The following MBNL1 variants were observed in gnomAD, a reference collection of about 807,000 sequenced individuals.
MBNL1 encodes muscleblind-like protein 1.
A neutral mutation model predicts 42.2 loss-of-function variants in MBNL1; 8 were observed. The observed-to-expected ratio is 0.19, with a 90% CI of 0.11 to 0.34. The LOEUF is 0.34. MBNL1 is among the 10% of genes least tolerant of loss of function. MBNL1 has a pLI of 1.00. For synonymous variants in MBNL1, 169 were observed against 173.9 expected (o/e 0.97, Z 0.22); for missense variants, 309 against 495.3 (o/e 0.62, Z 3.57).
chr3:152,439,640 T>G (rs951448015), intron 4 of MBNL1, among the ~76,000 whole-genome samples: 11 of 152,216 alleles, frequency 7.2e-5, no homozygotes, highest in African/African-American at 2.7e-4. Flanking sequence ...ACACTATGGC[T>G]CTGTCAATTA....
At chr3:152,308,255 T>A (rs1179754191) in intron 2 of MBNL1, among the ~76,000 whole-genome samples, 1 of 152,162 alleles carries the variant, frequency 6.6e-6, no homozygotes, top group Non-Finnish European at 1.5e-5. Flanking sequence ...TTATCATAAA[T>A]CTTGAGAACT....
intron 2 of MBNL1, among the ~76,000 whole-genome samples, chr3:152,351,512 T>G (rs1053120911): frequency 6.6e-6 from 1 of 152,226 alleles, no homozygotes; most frequent in South Asian, 2.1e-4. Flanking sequence ...TCGAGTTTTA[T>G]TAAAGGTGTA....
chr3:152,437,360 A>G (rs1007995403), intron 4 of MBNL1, among the ~76,000 whole-genome samples: 2 of 152,242 alleles, frequency 1.3e-5, no homozygotes, highest in East Asian at 3.8e-4. Context: ...TGACATCTTT[A>G]CAGCACCCAG....
intron 2 of MBNL1, among the ~76,000 whole-genome samples, chr3:152,317,244 T>G (rs2072466500): frequency 6.6e-6 from 1 of 152,210 alleles, no homozygotes; most frequent in Non-Finnish European, 1.5e-5. Flanking sequence ...CTTATAAATT[T>G]ATGTGGAGTT....
intron 4 of MBNL1, among the ~76,000 whole-genome samples, chr3:152,442,826 C>G (rs890708580): frequency 1.1e-4 from 17 of 152,144 alleles, no homozygotes; most frequent in African/African-American, 3.4e-4. Context: ...ATTTCCAGTC[C>G]CACTGGCCTG....
At chr3:152,325,737 A>G (rs984399982) in intron 2 of MBNL1, among the ~76,000 whole-genome samples, 1 of 151,200 alleles carries the variant, frequency 6.6e-6, no homozygotes, top group Non-Finnish European at 1.5e-5. Flanking sequence ...ACTTCAGGTT[A>G]GAAATATTAA....
chr3:152,333,092 A>C (rs2086460994), intron 2 of MBNL1, among the ~76,000 whole-genome samples: 1 of 152,102 alleles, frequency 6.6e-6, no homozygotes, highest in Non-Finnish European at 1.5e-5. Flanking sequence ...TATTGTTTGG[A>C]CCCTGCATGT....
At chr3:152,404,772 AAATAT>A (rs1229455610) in intron 2 of MBNL1, among the ~76,000 whole-genome samples, 1 of 149,196 alleles carries the variant, frequency 6.7e-6, no homozygotes, top group Admixed American at 6.7e-5. Context: ...TTTTATATCT[AAATAT>A]AATATATAAC....
chr3:152,288,300 C>T (rs900787057), intron 1 of MBNL1, among the ~76,000 whole-genome samples: 22 of 152,112 alleles, frequency 1.4e-4, no homozygotes, highest in African/African-American at 5.3e-4. Flanking sequence ...ATATACCTAT[C>T]TTGGTTATTT....
chr3:152,312,435 A>G (rs905754940), intron 2 of MBNL1, among the ~76,000 whole-genome samples: 2 of 152,224 alleles, frequency 1.3e-5, no homozygotes, highest in African/African-American at 4.8e-5. Flanking sequence ...CCAATTAGAA[A>G]TATATTTTTA....
chr3:152,274,835 CTAAA>C, intron 1 of MBNL1, among the ~76,000 whole-genome samples: 1 of 151,998 alleles, frequency 6.6e-6, no homozygotes, highest in East Asian at 1.9e-4. Context: ...GTTGCAGCCA[CTAAA>C]TAGTTACAAA....
At chr3:152,422,541 C>T (rs368347481) in intron 3 of MBNL1, among the ~76,000 whole-genome samples, 14 of 152,232 alleles carry the variant, frequency 9.2e-5, no homozygotes, top group South Asian at 2.1e-4. Flanking sequence ...GACAGATCAA[C>T]GAGGCAGAAA....
chr3:152,246,886 C>T (rs560035189), intron 2 of MBNL1, among the ~76,000 whole-genome samples: 1 of 151,956 alleles, frequency 6.6e-6, no homozygotes, highest in Non-Finnish European at 1.5e-5. Context: ...CACAAGATGA[C>T]CTTCCCAAAG....
At chr3:152,295,962 A>G (rs558060271) in intron 1 of MBNL1, among the ~76,000 whole-genome samples, 1 of 152,348 alleles carries the variant, frequency 6.6e-6, no homozygotes, top group South Asian at 2.1e-4. Context: ...GTTGTAAATC[A>G]TGTTACAGGT....
At chr3:152,322,684 G>A (rs1303128666) in intron 2 of MBNL1, among the ~76,000 whole-genome samples, 1 of 151,792 alleles carries the variant, frequency 6.6e-6, no homozygotes, top group African/African-American at 2.4e-5. Flanking sequence ...AATTTTGTGA[G>A]GTTTTCTCCC....
intron 2 of MBNL1, among the ~76,000 whole-genome samples, chr3:152,373,341 G>GAAAAAAAAAAAAAA (rs35536807): frequency 1.1e-5 from 1 of 90,542 alleles, no homozygotes; most frequent in African/African-American, 4.2e-5. Context: ...CTGGGGTATG[G>GAAAAAAAAAAAAAA]AAAAAAAAAA....
chr3:152,334,107 T>G (rs1350418181), intron 2 of MBNL1, among the ~76,000 whole-genome samples: 3 of 152,204 alleles, frequency 2.0e-5, no homozygotes, highest in Non-Finnish European at 4.4e-5. Flanking sequence ...TTTTATTAAT[T>G]CTGTCATGAT....
chr3:152,302,020 A>G (rs1255093699), intron 2 of MBNL1: 1 of 152,208 alleles, frequency 6.6e-6, no homozygotes, highest in Admixed American at 6.5e-5. Context: ...ATTTGGAAAC[A>G]TTGTGAAACA....
chr3:152,390,257 CTA>C lies in MBNL1; in HGVS notation c.175-24682_175-24681del, dbSNP rs1560410719. On this transcript the variant is annotated intron_variant, in intron 2 of 9. Coordinates refer to ENST00000324210, the MANE Select transcript of MBNL1 (RefSeq NM_021038.5). ...TTTTTTATATCTTTAAGGCTTTTCT[CTA>C]TTTTTTTTTTTATTTTGTAAACCTT... Among the ~76,000 whole-genome samples the C allele has an allele frequency of 2.7e-5, 4 of 148,868 alleles. No homozygotes were observed. The South Asian group carries it at 8.6e-4, about 32-fold the overall frequency.
Sources: gnomAD v4.1 joint callset for allele counts (sites outside exome capture counted in the v4.1 genomes callset) on GRCh38, gnomAD v4.1.1 for gene constraint, MANE v1.5 for transcripts, NCBI Gene and HGNC (gene_info 2026-07-23, HGNC 2026-07-21) for gene names.